HS3ST2: variants seen among roughly 807,000 people sequenced by gnomAD.
The protein encoded by HS3ST2 is heparan sulfate glucosamine 3-O-sulfotransferase 2.
Under a neutral mutation model 26.3 loss-of-function variants are expected in HS3ST2, and 17 were observed. That is an observed-to-expected ratio of 0.65 (90% CI 0.44 to 0.97). The LOEUF (loss-of-function observed/expected upper bound fraction) is 0.97. Among genes scored for constraint, HS3ST2 ranks in the 50% least tolerant of loss-of-function variants. The probability of loss-of-function intolerance (pLI) is 0.00; values close to 1 mark genes in which losing one functional copy is unlikely to be tolerated. For synonymous variants in HS3ST2, 237 were observed against 219.2 expected (o/e 1.08, Z -0.72); for missense variants, 402 against 501.2 (o/e 0.80, Z 1.89).
intron 1 of HS3ST2, among the ~76,000 whole-genome samples, chr16:22,852,415 T>C (rs1294815627): frequency 6.6e-6 from 1 of 152,134 alleles, no homozygotes; most frequent in African/African-American, 2.4e-5. Context: ...CAGTAAATGG[T>C]TCCTTCTGGT....
chr16:22,891,643 C>T (rs891727329), intron 1 of HS3ST2, among the ~76,000 whole-genome samples: 3 of 152,136 alleles, frequency 2.0e-5, no homozygotes, highest in Non-Finnish European at 4.4e-5. Context: ...ATTTCTTTGA[C>T]GTCTAATGAC....
At chr16:22,875,198 AAGATAT>A (rs1475163140) in intron 1 of HS3ST2, among the ~76,000 whole-genome samples, 111 of 152,230 alleles carry the variant, frequency 7.3e-4, no homozygotes, top group African/African-American at 2.2e-3. Context: ...AATGGTTATA[AAGATAT>A]AAAGAAAGTA....
chr16:22,861,051 T>A (rs950326616), intron 1 of HS3ST2, among the ~76,000 whole-genome samples: 4 of 152,004 alleles, frequency 2.6e-5, no homozygotes, highest in Non-Finnish European at 4.4e-5. Flanking sequence ...TTTTTAAAAA[T>A]TTTTTTGTAG....
chr16:22,905,880 T>C (rs530052871), intron 1 of HS3ST2, among the ~76,000 whole-genome samples: 1 of 152,278 alleles, frequency 6.6e-6, no homozygotes, highest in African/African-American at 2.4e-5. Context: ...TTGTTTAAAA[T>C]GCATATTCTT....
At chr16:22,815,495 C>G (rs1233689033) in intron 1 of HS3ST2, among the ~76,000 whole-genome samples, 1 of 152,158 alleles carries the variant, frequency 6.6e-6, no homozygotes, top group Admixed American at 6.5e-5. Context: ...CCTGAAGGAC[C>G]CTGAGAAAGA....
At chr16:22,898,883 G>A (rs1050789556) in intron 1 of HS3ST2, among the ~76,000 whole-genome samples, 11 of 152,254 alleles carry the variant, frequency 7.2e-5, no homozygotes, top group African/African-American at 2.6e-4. Flanking sequence ...ATGTATCCTG[G>A]TACGACAACA....
chr16:22,887,786 G>A (rs1247887219), intron 1 of HS3ST2, among the ~76,000 whole-genome samples: 42 of 146,186 alleles, frequency 2.9e-4, no homozygotes, highest in African/African-American at 9.6e-4. Flanking sequence ...ATCTCTACGG[G>A]AAAAAAAAAA....
chr16:22,914,059 G>A (rs1451361055), intron 1 of HS3ST2, among the ~76,000 whole-genome samples: 4 of 151,940 alleles, frequency 2.6e-5, no homozygotes, highest in Non-Finnish European at 5.9e-5. Flanking sequence ...GATCAATGGA[G>A]CCTGGAGTTC....
chr16:22,820,229 C>T (rs1251990581), intron 1 of HS3ST2, among the ~76,000 whole-genome samples: 1 of 152,150 alleles, frequency 6.6e-6, no homozygotes, highest in Non-Finnish European at 1.5e-5. Context: ...AGATATAATA[C>T]TTAGTGCCAG....
At chr16:22,834,503 G>A (rs1290782153) in intron 1 of HS3ST2, among the ~76,000 whole-genome samples, 2 of 151,974 alleles carry the variant, frequency 1.3e-5, no homozygotes, top group African/African-American at 4.8e-5. Flanking sequence ...TAGTTGGATA[G>A]ATATACTATT....
Position 22,915,511 on chromosome 16 carries a change from G to A in HS3ST2, c.1053G>A (p.Pro351=), listed in dbSNP as rs757164474. The A allele has an allele frequency of 2.3e-5, 37 of 1,613,834 alleles. No homozygotes were observed. Among genetic ancestry groups the A allele is most frequent in the Middle Eastern group, 1.6e-4 (1 of 6,062 alleles). The part of the protein sequence containing the change: ...VIDQLREFYR[P]YNIKFYETVG... ...ACCAGCTCCGAGAATTTTATAGACC[G>A]TATAATATCAAATTTTATGAAACCG... The change falls in exon 2 of 2, where the codon CCG becomes CCA. Residue 351 remains proline, a synonymous_variant. Coordinates refer to ENST00000261374, the MANE Select transcript of HS3ST2 (RefSeq NM_006043.2).
intron 1 of HS3ST2, among the ~76,000 whole-genome samples, chr16:22,818,406 A>G (rs1462890055): frequency 1.3e-5 from 2 of 152,148 alleles, no homozygotes; most frequent in African/African-American, 4.8e-5. Context: ...TGTACATGAA[A>G]TTGCCCTGGA....
intron 1 of HS3ST2, among the ~76,000 whole-genome samples, chr16:22,855,932 G>T (rs755293598): frequency 1.3e-5 from 2 of 152,134 alleles, no homozygotes; most frequent in Non-Finnish European, 1.5e-5. Context: ...TAGCGAGTGG[G>T]ATGTTCTGCC....
intron 1 of HS3ST2, among the ~76,000 whole-genome samples, chr16:22,894,363 G>A (rs1298823091): frequency 6.6e-6 from 1 of 152,146 alleles, no homozygotes; most frequent in Non-Finnish European, 1.5e-5. Context: ...CAGGGCAGCG[G>A]CCTGGCTGTG....
rs140526711 is a variant in HS3ST2 at position 22,814,973 on chromosome 16, C to T, written c.363C>T (p.Gly121=). 1.9e-6 allele frequency: 3 copies of T among 1,612,780 alleles called. No homozygotes were observed. Among genetic ancestry groups the T allele is most frequent in the South Asian group, 1.1e-5 (1 of 90,956 alleles). The change falls in exon 1 of 2, where the codon GGC becomes GGT. Residue 121 remains glycine, a synonymous_variant. Coordinates refer to ENST00000261374, the MANE Select transcript of HS3ST2 (RefSeq NM_006043.2). The part of the protein sequence containing the change: ...TKRLPQALIV[G]VKKGGTRAVL... Reference sequence around the variant, plus strand: ...GGTTGCCCCAAGCCCTCATTGTGGGCGTGAAGAAGGGGGGCACCCGGGCCG... The same window carrying T: ...GGTTGCCCCAAGCCCTCATTGTGGGTGTGAAGAAGGGGGGCACCCGGGCCG...
intron 1 of HS3ST2, among the ~76,000 whole-genome samples, chr16:22,886,990 G>A (rs762641624): frequency 5.9e-5 from 9 of 152,136 alleles, no homozygotes; most frequent in Non-Finnish European, 1.2e-4. Context: ...GACCTCAAGT[G>A]ATCCTCCTGC....
intron 1 of HS3ST2, among the ~76,000 whole-genome samples, chr16:22,882,545 C>A (rs1902002271): frequency 6.6e-6 from 1 of 151,772 alleles, no homozygotes; most frequent in Non-Finnish European, 1.5e-5. Context: ...ACCAGCCTGG[C>A]CAGCATGACG....
chr16:22,887,636 C>T (rs983874379), intron 1 of HS3ST2, among the ~76,000 whole-genome samples: 21 of 152,168 alleles, frequency 1.4e-4, no homozygotes, highest in African/African-American at 4.8e-4. Flanking sequence ...TGGTGCTTGG[C>T]TCAGATCCCT....
chr16:22,837,568 T>TATATGTATATATATGTATATATATAC (rs1901283783), intron 1 of HS3ST2, among the ~76,000 whole-genome samples: 3 of 122,160 alleles, frequency 2.5e-5, no homozygotes, highest in Non-Finnish European at 4.7e-5. Flanking sequence ...TATATATACA[T>TATATGTATATATATGTATATATATAC]ATATATATAT....
Sources: gnomAD v4.1 joint callset for allele counts (sites outside exome capture counted in the v4.1 genomes callset) on GRCh38, gnomAD v4.1.1 for gene constraint, MANE v1.5 for transcripts, NCBI Gene and HGNC (gene_info 2026-07-23, HGNC 2026-07-21) for gene names.